Variants in EFCAB11 observed in about 807,000 individuals in gnomAD.
EFCAB11 encodes the protein EF-hand calcium binding domain 11.
Under a neutral mutation model 23.0 loss-of-function variants are expected in EFCAB11, and 14 were observed. The ratio of observed to expected loss-of-function variants is 0.61; its 90% CI spans 0.40 to 0.95. EFCAB11 has a LOEUF of 0.95. Ranked by LOEUF, EFCAB11 falls within the 40% of genes least tolerant of loss-of-function variation. The pLI is 0.00. For missense variants in EFCAB11, 198 were observed against 195.8 expected (o/e 1.01, Z -0.07); for synonymous variants, 65 against 66.6 (o/e 0.98, Z 0.11).
At chr14:89,844,640 C>G (rs945279910) in intron 5 of EFCAB11, among the ~76,000 whole-genome samples, 3 of 152,180 alleles carry the variant, frequency 2.0e-5, no homozygotes, top group African/African-American at 7.2e-5. Flanking sequence ...GCTAACACTT[C>G]CCCCAACCTT....
chr14:89,949,962 C>G, intron 3 of EFCAB11, 135 bp downstream of exon 3: 1 of 955,596 alleles, frequency 1.0e-6, no homozygotes, highest in Non-Finnish European at 1.5e-6. Flanking sequence ...AAACCCGCCC[C>G]CATGATTCAG....
In EFCAB11 at chr14:89,866,804, T is replaced by G. The variant is rs999300602; in HGVS notation, c.410+64737A>C. ...ATTTTTAAAAATGTTTTATTTATCT[T>G]TTTTTTATTTTTATTTTTTTGAGAG... On this transcript the variant is annotated intron_variant, in intron 5 of 5. Transcript: ENST00000316738. 5.9e-4 allele frequency among the ~76,000 whole-genome samples: 89 copies of G among 151,306 alleles called. 1 individual carries two copies. Among genetic ancestry groups the G allele is most frequent in the African/African-American group, 2.1e-3 (86 of 40,846 alleles).
chr14:89,931,855 A>AGC (rs1175828293), intron 4 of EFCAB11, among the ~76,000 whole-genome samples: 1 of 152,204 alleles, frequency 6.6e-6, no homozygotes, highest in Non-Finnish European at 1.5e-5. Context: ...CTTGAAGGTC[A>AGC]CTTCTGGCCC....
chr14:89,934,303 G>A (rs1407136485), intron 3 of EFCAB11, among the ~76,000 whole-genome samples: 1 of 152,218 alleles, frequency 6.6e-6, no homozygotes, highest in Non-Finnish European at 1.5e-5. Context: ...GTGGGGATGA[G>A]AGGAGTGGAA....
At position 89,931,538 on chromosome 14, in the gene EFCAB11, T is replaced by C. The variant is rs1160045346; in HGVS notation, c.410+3A>G. On this transcript the variant is annotated splice_donor_region_variant and intron_variant, in intron 5 of 5. Transcript: ENST00000316738. ...GGTGTACAGAAGGATTTTGATGCCT[T>C]ACCTGAATACCTCAAGAACAGTCCT... The C allele has an allele frequency of 6.2e-7, 1 of 1,612,134 alleles. No homozygotes were observed. The highest frequency in any genetic ancestry group is 1.3e-5 in the African/African-American group (1 of 74,834).
At chr14:89,901,392 AATAGAC>A (rs1462684398) in intron 5 of EFCAB11, among the ~76,000 whole-genome samples, 1 of 152,264 alleles carries the variant, frequency 6.6e-6, no homozygotes, top group Non-Finnish European at 1.5e-5. Context: ...TAATTGAAAT[AATAGAC>A]ATAATCTAGG....
intron 5 of EFCAB11, among the ~76,000 whole-genome samples, chr14:89,873,316 C>T (rs946448786): frequency 2.6e-5 from 4 of 152,088 alleles, no homozygotes; most frequent in Admixed American, 1.3e-4. Flanking sequence ...AATTCAATTA[C>T]CTCCCACCAG....
intron 5 of EFCAB11, among the ~76,000 whole-genome samples, chr14:89,902,889 C>T (rs1263453971): frequency 1.3e-5 from 2 of 152,152 alleles, no homozygotes; most frequent in Non-Finnish European, 2.9e-5. Flanking sequence ...ACTTTTCTAG[C>T]AATGATATTA....
intron 5 of EFCAB11, among the ~76,000 whole-genome samples, chr14:89,825,696 A>T (rs1281990268): frequency 6.6e-6 from 1 of 152,178 alleles, no homozygotes; most frequent in Non-Finnish European, 1.5e-5. Context: ...TTGTGCTAAT[A>T]ATTTTTAATT....
chr14:89,842,439 A>G (rs2401856), intron 5 of EFCAB11, among the ~76,000 whole-genome samples: 110,589 of 152,002 alleles, frequency 0.73, 41,667 homozygotes, highest in Non-Finnish European at 0.84. Flanking sequence ...AAATGCAAAC[A>G]TTAGCCAAGC....
At chr14:89,865,502 TA>T (rs1411461528) in intron 5 of EFCAB11, among the ~76,000 whole-genome samples, 3 of 152,000 alleles carry the variant, frequency 2.0e-5, no homozygotes, top group Non-Finnish European at 4.4e-5. Flanking sequence ...GCTGGAGGTC[TA>T]AAAAAAATTT....
At chr14:89,876,607 G>T (rs970858858) in intron 5 of EFCAB11, among the ~76,000 whole-genome samples, 15 of 152,190 alleles carry the variant, frequency 9.9e-5, no homozygotes, top group African/African-American at 3.6e-4. Context: ...ATTATGAAGG[G>T]TTCAGTTGGG....
chr14:89,936,376 T>C (rs1188808032), intron 3 of EFCAB11, among the ~76,000 whole-genome samples: 1 of 152,224 alleles, frequency 6.6e-6, no homozygotes, highest in Non-Finnish European at 1.5e-5. Context: ...TTTTACAATA[T>C]TGTAGGATAA....
At chr14:89,833,052 T>C (rs547026195) in intron 5 of EFCAB11, 1 of 152,362 alleles carries the variant, frequency 6.6e-6, no homozygotes, top group Admixed American at 6.5e-5. Flanking sequence ...ATTGTTACCA[T>C]ATCATTTTTA....
chr14:89,934,195 T>G (rs966609159), intron 3 of EFCAB11, among the ~76,000 whole-genome samples: 1 of 152,164 alleles, frequency 6.6e-6, no homozygotes, highest in East Asian at 1.9e-4. Context: ...TTCTGGCTAT[T>G]ATCCTGATAA....
chr14:89,866,386 CTAA>C (rs1304538742), intron 5 of EFCAB11, among the ~76,000 whole-genome samples: 1 of 152,224 alleles, frequency 6.6e-6, no homozygotes, highest in Non-Finnish European at 1.5e-5. Context: ...CTTAAAATTC[CTAA>C]TGTCAGACCC....
At chr14:89,872,585 T>G (rs965877428) in intron 5 of EFCAB11, among the ~76,000 whole-genome samples, 4 of 152,144 alleles carry the variant, frequency 2.6e-5, no homozygotes, top group Non-Finnish European at 5.9e-5. Flanking sequence ...AGCAATAAGC[T>G]CATAAGAAAA....
intron 5 of EFCAB11, among the ~76,000 whole-genome samples, chr14:89,799,885 C>G (rs1006412282): frequency 6.6e-6 from 1 of 152,048 alleles, no homozygotes; most frequent in Admixed American, 6.6e-5. Flanking sequence ...ATTGTTTTAC[C>G]GAGTCTAAAA....
At chr14:89,847,735 G>C (rs1161398553) in intron 5 of EFCAB11, among the ~76,000 whole-genome samples, 1 of 77,694 alleles carries the variant, frequency 1.3e-5, no homozygotes, top group Non-Finnish European at 2.5e-5. Flanking sequence ...GAGAAACTCT[G>C]TCTCACAAAA....
Sources: gnomAD v4.1 joint callset for allele counts (sites outside exome capture counted in the v4.1 genomes callset) on GRCh38, gnomAD v4.1.1 for gene constraint, MANE v1.5 for transcripts, NCBI Gene and HGNC (gene_info 2026-07-23, HGNC 2026-07-21) for gene names.